The following SNCAIP variants were observed in gnomAD, a reference collection of about 807,000 sequenced individuals.
SNCAIP encodes the protein synphilin-1.
Under a neutral mutation model 86.7 loss-of-function variants are expected in SNCAIP, and 43 were observed. The observed-to-expected ratio is 0.50, with a 90% CI of 0.39 to 0.64. SNCAIP has a LOEUF of 0.64. Among genes scored for constraint, SNCAIP ranks in the 30% least tolerant of loss-of-function variants. The probability of loss-of-function intolerance (pLI) is 0.00; values close to 1 mark genes in which losing one functional copy is unlikely to be tolerated. For missense variants in SNCAIP, 981 were observed against 1,103.1 expected, an observed-to-expected ratio of 0.89 and a Z score of 1.57; for synonymous variants, 417 against 427.2, an observed-to-expected ratio of 0.98 and a Z score of 0.29.
In SNCAIP at chr5:122,423,250, G is replaced by T; in HGVS notation, c.513G>T (p.Val171=). Residue 171 remains valine (V), a synonymous_variant, in exon 4 of 11, where the codon GTG becomes GTT. Coordinates refer to ENST00000261368, the MANE Select transcript of SNCAIP (RefSeq NM_005460.4). ...SSQQLASFTK[V]TSEKRILGLC... Reference sequence around the variant, plus strand: ...AGCAGCTTGCCTCTTTTACCAAGGTGACTTCAGAAAAAAGAATTTTGGGCT... The same window carrying T: ...AGCAGCTTGCCTCTTTTACCAAGGTTACTTCAGAAAAAAGAATTTTGGGCT... 6.2e-7 allele frequency: 1 copy of T among 1,614,168 alleles called. No individual in the cohort carries two copies. Among genetic ancestry groups the T allele is most frequent in the South Asian group, 1.1e-5 (1 of 91,082 alleles).
intron 2 of SNCAIP, among the ~76,000 whole-genome samples, chr5:122,393,852 GAATCATATT>G (rs999958550): frequency 5.9e-5 from 9 of 152,142 alleles, no homozygotes; most frequent in African/African-American, 1.9e-4. Context: ...AGCGAAGCCA[GAATCATATT>G]GTTCTAACTT....
chr5:122,400,785 G>A (rs930940881), intron 2 of SNCAIP, among the ~76,000 whole-genome samples: 1 of 152,230 alleles, frequency 6.6e-6, no homozygotes, highest in Non-Finnish European at 1.5e-5. Context: ...AGCTGAGGCA[G>A]CTGGTCAACC....
chr5:122,356,729 TA>T (rs1256020044), intron 1 of SNCAIP, among the ~76,000 whole-genome samples: 1 of 152,150 alleles, frequency 6.6e-6, no homozygotes, highest in Non-Finnish European at 1.5e-5. Context: ...CTTCCTCACA[TA>T]CACATATGTG....
Position 122,341,982 on chromosome 5 carries a change from T to C in SNCAIP, c.-47+29698T>C, listed in dbSNP as rs116334895. On this transcript the variant is annotated intron_variant, in intron 1 of 10. Transcript: ENST00000261368. ...AGGCAGTTTCTGCAGCAAATTTATATAAAATATGCTTGCTTCCTTCAAGCC... is the reference window on the plus strand; with the variant it reads ...AGGCAGTTTCTGCAGCAAATTTATACAAAATATGCTTGCTTCCTTCAAGCC... Among the ~76,000 whole-genome samples, 237 of 152,302 alleles carry C rather than the reference T, an allele frequency of 1.6e-3. 2 individuals are homozygous for C. The highest frequency in any genetic ancestry group is 5.4e-3 in the African/African-American group (225 of 41,558).
chr5:122,417,555 T>C (rs1775560333), intron 3 of SNCAIP, among the ~76,000 whole-genome samples: 1 of 152,220 alleles, frequency 6.6e-6, no homozygotes, highest in Admixed American at 6.5e-5. Context: ...TTTGGCACAA[T>C]TAGTGTGCCC....
At chr5:122,369,392 G>A (rs960874597) in intron 1 of SNCAIP, among the ~76,000 whole-genome samples, 4 of 152,154 alleles carry the variant, frequency 2.6e-5, no homozygotes, top group African/African-American at 9.7e-5. Flanking sequence ...TATTCGAATG[G>A]CACATGTGCA....
intron 1 of SNCAIP, among the ~76,000 whole-genome samples, chr5:122,353,207 G>A (rs1240380127): frequency 6.6e-6 from 1 of 151,984 alleles, no homozygotes; most frequent in African/African-American, 2.4e-5. Flanking sequence ...AAAAGGAGGT[G>A]GGCAGCACAA....
chr5:122,436,517 T>G (rs1487979093), intron 6 of SNCAIP: 1 of 152,230 alleles, frequency 6.6e-6, no homozygotes, highest in East Asian at 1.9e-4. Flanking sequence ...AGGTGCACTT[T>G]ATTTCACATT....
Position 122,454,201 on chromosome 5 carries a change from G to T in SNCAIP, c.2754+2600G>T, listed in dbSNP as rs1784267318. The stretch of plus-strand genomic sequence containing the variant: ...GTGTGGATGTATTTGTGTGTTGTGG[G>T]TATGAATTTTAGTTGAGAATACTAA... On this transcript the variant is annotated intron_variant, in intron 10 of 10. Transcript: ENST00000261368. 2.0e-5 allele frequency among the ~76,000 whole-genome samples: 3 copies of T among 152,208 alleles called. No individual in the cohort carries two copies. The South Asian group carries it at 6.2e-4, about 31-fold the overall frequency.
chr5:122,350,169 G>A (rs1345620674), intron 1 of SNCAIP, among the ~76,000 whole-genome samples: 5 of 152,214 alleles, frequency 3.3e-5, no homozygotes, highest in East Asian at 1.9e-4. Context: ...TTTGGAATAC[G>A]TTAAGCATGG....
intron 10 of SNCAIP, among the ~76,000 whole-genome samples, chr5:122,453,724 G>C (rs1372042694): frequency 1.3e-5 from 2 of 151,314 alleles, no homozygotes; most frequent in Non-Finnish European, 2.9e-5. Flanking sequence ...CTTCAGAAGA[G>C]TTACATCCCT....
chr5:122,398,765 G>A (rs1490376741), intron 2 of SNCAIP, among the ~76,000 whole-genome samples: 5 of 152,038 alleles, frequency 3.3e-5, no homozygotes, highest in Non-Finnish European at 7.4e-5. Context: ...CTGCTCATTC[G>A]CTTAGTCGGC....
At chr5:122,330,113 A>ATTTTTTTTTTTTTTTTTTTT (rs1387266417) in intron 1 of SNCAIP, among the ~76,000 whole-genome samples, 7 of 120,360 alleles carry the variant, frequency 5.8e-5, no homozygotes, top group African/African-American at 1.6e-4. Context: ...GTACAACTTC[A>ATTTTTTTTTTTTTTTTTTTT]TTTCTTTTTT....
chr5:122,317,324 G>A (rs1389880648), intron 1 of SNCAIP, among the ~76,000 whole-genome samples: 1 of 152,202 alleles, frequency 6.6e-6, no homozygotes, highest in Non-Finnish European at 1.5e-5. Context: ...ACTGGCTACT[G>A]TAAAGGAAAA....
intron 1 of SNCAIP, among the ~76,000 whole-genome samples, chr5:122,347,098 G>A (rs1758761134): frequency 6.6e-6 from 1 of 151,994 alleles, no homozygotes; most frequent in Non-Finnish European, 1.5e-5. Context: ...TTAGATTAAA[G>A]ATAATTCAAT....
At position 122,413,678 on chromosome 5, in the gene SNCAIP, A is replaced by G. The variant is rs368308921; in HGVS notation, c.131-9190A>G. Reference sequence around the variant, plus strand: ...CTAAGAGTACCATAGCATTCTGCCAATTACCAATTGCTTTAACACTCTGAC... The same window carrying G: ...CTAAGAGTACCATAGCATTCTGCCAGTTACCAATTGCTTTAACACTCTGAC... On this transcript the variant is annotated intron_variant, in intron 3 of 10. Coordinates refer to ENST00000261368, the MANE Select transcript of SNCAIP (RefSeq NM_005460.4). Among the ~76,000 whole-genome samples, 10 of 152,086 alleles carry G rather than the reference A, an allele frequency of 6.6e-5. No individual in the cohort carries two copies. In the South Asian group the frequency reaches 1.2e-3, roughly 19 times the overall value.
intron 1 of SNCAIP, among the ~76,000 whole-genome samples, chr5:122,370,791 A>C (rs1401125988): frequency 6.6e-6 from 1 of 152,164 alleles, no homozygotes; most frequent in African/African-American, 2.4e-5. Context: ...GCAAAGTTTC[A>C]TGTAAGCTTT....
chr5:122,436,196 AAT>A (rs1491347754), intron 6 of SNCAIP, among the ~76,000 whole-genome samples: 1 of 151,192 alleles, frequency 6.6e-6, no homozygotes, highest in African/African-American at 2.5e-5. Flanking sequence ...TAGATATTTT[AAT>A]TTTTTTTTTT....
At chr5:122,427,113 C>T (rs923882152) in intron 5 of SNCAIP, among the ~76,000 whole-genome samples, 3 of 152,136 alleles carry the variant, frequency 2.0e-5, no homozygotes, top group East Asian at 1.9e-4. Context: ...TTATAAAATA[C>T]AGTTCTCATT....
Sources: gnomAD v4.1 joint callset for allele counts (sites outside exome capture counted in the v4.1 genomes callset) on GRCh38, gnomAD v4.1.1 for gene constraint, MANE v1.5 for transcripts, NCBI Gene and HGNC (gene_info 2026-07-23, HGNC 2026-07-21) for gene names.